Variants in SPAST observed in about 807,000 individuals in gnomAD.
The protein encoded by SPAST is spastic paraplegia 4 (autosomal dominant; spastin).
A neutral mutation model predicts 76.6 loss-of-function variants in SPAST; 30 were observed. That is an observed-to-expected ratio of 0.39 (90% confidence interval 0.29 to 0.53). The LOEUF is 0.53. Among genes scored for constraint, SPAST ranks in the 20% least tolerant of loss-of-function variants. The pLI is 0.68. For missense variants in SPAST, 717 were observed against 770.5 expected, an observed-to-expected ratio of 0.93 and a Z score of 0.82; for synonymous variants, 305 against 281.0, an observed-to-expected ratio of 1.09 and a Z score of -0.86.
chr2:32,080,956 G>A (rs1271017714), intron 1 of SPAST, among the ~76,000 whole-genome samples: 1 of 149,902 alleles, frequency 6.7e-6, no homozygotes, highest in Non-Finnish European at 1.5e-5. Context: ...CACCACATCT[G>A]GCTAATTTTT....
intron 1 of SPAST, among the ~76,000 whole-genome samples, chr2:32,076,945 G>A (rs527359381): frequency 1.3e-4 from 19 of 151,742 alleles, no homozygotes; most frequent in African/African-American, 4.1e-4. Context: ...GCACAATCTC[G>A]GCTCACTGCA....
At chr2:32,099,928 G>A (rs1010888217) in intron 4 of SPAST, among the ~76,000 whole-genome samples, 1 of 150,056 alleles carries the variant, frequency 6.7e-6, no homozygotes, top group Non-Finnish European at 1.5e-5. Context: ...GGACACCTAG[G>A]TTGATTCTGT....
chr2:32,147,603 C>T (rs1190345140), intron 16 of SPAST, among the ~76,000 whole-genome samples: 12 of 150,812 alleles, frequency 8.0e-5, no homozygotes, highest in African/African-American at 2.7e-4. Context: ...AGGCTTGAGC[C>T]GCTGCATCTG....
At chr2:32,100,532 A>T (rs1253695443) in intron 4 of SPAST, among the ~76,000 whole-genome samples, 1 of 152,026 alleles carries the variant, frequency 6.6e-6, no homozygotes, top group Non-Finnish European at 1.5e-5. Flanking sequence ...ACATATGTAT[A>T]CAAGTGCCAT....
intron 4 of SPAST, among the ~76,000 whole-genome samples, chr2:32,104,353 G>C (rs575313933): frequency 6.6e-6 from 1 of 152,066 alleles, no homozygotes; most frequent in African/African-American, 2.4e-5. Context: ...GTCTCTGCAC[G>C]TGAGATGGGT....
At chr2:32,144,375 A>G (rs992141619) in intron 14 of SPAST, among the ~76,000 whole-genome samples, 1 of 152,202 alleles carries the variant, frequency 6.6e-6, no homozygotes, top group African/African-American at 2.4e-5. Flanking sequence ...TCCAGGTGAC[A>G]TGTTTACAAT....
At chr2:32,143,588 A>G (rs1391062523) in intron 14 of SPAST, among the ~76,000 whole-genome samples, 173 bp downstream of exon 14, 1 of 152,092 alleles carries the variant, frequency 6.6e-6, no homozygotes, top group South Asian at 2.1e-4. Context: ...TCTTATATAT[A>G]TATGTGGAAT....
At position 32,064,151 on chromosome 2, in the gene SPAST, C is replaced by G. The variant is rs776858496; in HGVS notation, c.320C>G (p.Pro107Arg). 6.4e-6 allele frequency: 10 copies of G among 1,555,974 alleles called. No individual in the cohort carries two copies. The African/African-American group carries it at 1.4e-4, about 21-fold the overall frequency. ...PAPASASAPA[P>R]VPGGEAERVR... ...CCTGCCTCGGCCTCGGCCCCGGCGC[C>G]GGTGCCGGGCGGCGAGGCCGAGCGC... Residue 107 changes from proline (P) to arginine (R), a missense_variant, in exon 1 of 17, where the codon CCG (proline) becomes CGG (arginine). By Grantham distance (103) the Pro-to-Arg change is moderately radical. Coordinates refer to ENST00000315285, the MANE Select transcript of SPAST (RefSeq NM_014946.4).
chr2:32,126,199 C>T (rs1679186525), intron 7 of SPAST, among the ~76,000 whole-genome samples: 1 of 152,124 alleles, frequency 6.6e-6, no homozygotes, highest in African/African-American at 2.4e-5. Flanking sequence ...TTGTTCACGT[C>T]AGCGTGCTTC....
At chr2:32,094,626 T>C (rs181683041) in intron 3 of SPAST, among the ~76,000 whole-genome samples, 54 of 152,254 alleles carry the variant, frequency 3.5e-4, no homozygotes, top group African/African-American at 1.3e-3. Context: ...AAGGCCACCA[T>C]GAGGACTTGA....
chr2:32,109,272 A>G (rs1678440853), intron 4 of SPAST, among the ~76,000 whole-genome samples: 1 of 150,318 alleles, frequency 6.7e-6, no homozygotes, highest in Non-Finnish European at 1.5e-5. Context: ...CCATGATCAG[A>G]TTATTTTTGT....
chr2:32,093,903 A>G (rs1028652458), intron 3 of SPAST, among the ~76,000 whole-genome samples: 4 of 152,154 alleles, frequency 2.6e-5, no homozygotes, highest in Admixed American at 6.6e-5. Context: ...TTTACAGTTA[A>G]GCTTTGCTCT....
At chr2:32,102,481 C>T (rs554196291) in intron 4 of SPAST, among the ~76,000 whole-genome samples, 37 of 152,270 alleles carry the variant, frequency 2.4e-4, no homozygotes, top group African/African-American at 8.9e-4. Flanking sequence ...TGCCTGATTG[C>T]CCTGGCCAGA....
At chr2:32,120,219 TTAAA>T (rs1159886586) in intron 7 of SPAST, among the ~76,000 whole-genome samples, 2 of 152,116 alleles carry the variant, frequency 1.3e-5, no homozygotes, top group African/African-American at 2.4e-5. Context: ...ACTTACCTCT[TTAAA>T]TAATCTTATA....
chr2:32,145,848 T>C (rs1256926628), intron 15 of SPAST, among the ~76,000 whole-genome samples: 1 of 152,224 alleles, frequency 6.6e-6, no homozygotes, highest in East Asian at 1.9e-4. Context: ...CTCAGATTAT[T>C]AGCTATGATG....
At chr2:32,152,442 C>T (rs1246388482) in intron 16 of SPAST, among the ~76,000 whole-genome samples, 1 of 151,962 alleles carries the variant, frequency 6.6e-6, no homozygotes, top group Non-Finnish European at 1.5e-5. Context: ...TGGTGGCGCA[C>T]ACCTATAGTC....
intron 1 of SPAST, 22 bp from the exon 2 acceptor site, chr2:32,087,470 C>G (rs538013519): frequency 6.2e-6 from 9 of 1,455,372 alleles, no homozygotes; most frequent in Non-Finnish European, 7.7e-6. Context: ...ACGATCTATA[C>G]AAATAATTTT....
rs1573187046 is a variant in SPAST, at chr2:32,154,667, T to C, written c.*171T>C. The C allele has an allele frequency of 8.9e-6, 6 of 674,548 alleles. No individual in the cohort carries two copies. Among genetic ancestry groups the C allele is most frequent in the Admixed American group, 5.5e-5 (2 of 36,156 alleles). 41.8% of individuals were successfully genotyped at this position (674,548 alleles called of 1,614,324 possible). ...CCAGAAAACAGACTTAAACAAAATA[T>C]ACAATGCAAATGTAATTTTTTGTTG... On this transcript the variant is annotated 3_prime_UTR_variant, in exon 17 of 17. Transcript: ENST00000315285.
intron 7 of SPAST, among the ~76,000 whole-genome samples, chr2:32,120,378 AGTG>A (rs1678978210): frequency 1.3e-5 from 2 of 151,974 alleles, no homozygotes; most frequent in Non-Finnish European, 2.9e-5. Context: ...GTGAATATTT[AGTG>A]CTTTTAAATA....
Sources: gnomAD v4.1 joint callset for allele counts (sites outside exome capture counted in the v4.1 genomes callset) on GRCh38, gnomAD v4.1.1 for gene constraint, MANE v1.5 for transcripts, NCBI Gene and HGNC (gene_info 2026-07-23, HGNC 2026-07-21) for gene names.